Variants in RNF216 observed in about 807,000 individuals in gnomAD.
RNF216 encodes the protein ring finger protein 216.
A neutral mutation model predicts 110.8 loss-of-function variants in RNF216; 72 were observed. The ratio of observed to expected loss-of-function variants is 0.65; its 90% CI spans 0.54 to 0.79. The LOEUF (loss-of-function observed/expected upper bound fraction) is 0.79. Ranked by LOEUF, RNF216 falls within the 30% of genes least tolerant of loss-of-function variation. The probability of loss-of-function intolerance (pLI) is 0.00; values close to 1 mark genes in which losing one functional copy is unlikely to be tolerated. For missense variants in RNF216, 1,342 were observed against 1,141.2 expected, an observed-to-expected ratio of 1.18 and a Z score of -2.54; for synonymous variants, 495 against 407.5, an observed-to-expected ratio of 1.21 and a Z score of -2.59.
At chr7:5,708,924 A>T (rs1373487593) in intron 13 of RNF216, among the ~76,000 whole-genome samples, 1 of 152,158 alleles carries the variant, frequency 6.6e-6, no homozygotes, top group African/African-American at 2.4e-5. Context: ...GACTCTGCCT[A>T]CTGTACCGTG....
chr7:5,643,251 G>A (rs929456630), intron 14 of RNF216, among the ~76,000 whole-genome samples: 1 of 152,032 alleles, frequency 6.6e-6, no homozygotes, highest in African/African-American at 2.4e-5. Context: ...GAGTAGTACT[G>A]GATAGGGCCA....
chr7:5,761,985 G>A (rs1181774553), intron 1 of RNF216, among the ~76,000 whole-genome samples: 1 of 152,098 alleles, frequency 6.6e-6, no homozygotes, highest in Non-Finnish European at 1.5e-5. Context: ...AGGTATATCA[G>A]CTAAAGAAAC....
At chr7:5,655,245 C>A (rs969865747) in intron 13 of RNF216, among the ~76,000 whole-genome samples, 3 of 152,136 alleles carry the variant, frequency 2.0e-5, no homozygotes, top group Non-Finnish European at 4.4e-5. Context: ...CGTCACAGTG[C>A]TTCTTCTGTA....
chr7:5,633,440 T>C (rs559393196), intron 15 of RNF216, among the ~76,000 whole-genome samples: 45 of 152,010 alleles, frequency 3.0e-4, no homozygotes, highest in African/African-American at 1.1e-3. Context: ...CTGGGCCTGG[T>C]GGCGTGCACC....
At chr7:5,721,213 T>G (rs191479357) in intron 8 of RNF216, 41 bp from the exon 9 acceptor site, 3 of 1,599,456 alleles carry the variant, frequency 1.9e-6, no homozygotes, top group Middle Eastern at 3.3e-4. Flanking sequence ...CAGACAACTA[T>G]GTGTTAGGAA....
At chr7:5,749,747 T>C in intron 3 of RNF216, among the ~76,000 whole-genome samples, 1 of 152,320 alleles carries the variant, frequency 6.6e-6, no homozygotes, top group East Asian at 1.9e-4. Flanking sequence ...CAAATACAAG[T>C]TTGAGTTCGT....
At chr7:5,772,719 G>C (rs542614657) in intron 1 of RNF216, among the ~76,000 whole-genome samples, 1 of 150,896 alleles carries the variant, frequency 6.6e-6, no homozygotes, top group South Asian at 2.1e-4. Flanking sequence ...TCAAAACCAG[G>C]TTAGCAAAGT....
chr7:5,703,610 CA>C (rs1792107388), intron 13 of RNF216, among the ~76,000 whole-genome samples: 1 of 152,186 alleles, frequency 6.6e-6, no homozygotes, highest in South Asian at 2.1e-4. Context: ...GGCAGAAAAA[CA>C]AGCAGGGAAG....
intron 13 of RNF216, among the ~76,000 whole-genome samples, chr7:5,689,254 C>T (rs913996280): frequency 6.6e-6 from 1 of 151,056 alleles, no homozygotes; most frequent in Non-Finnish European, 1.5e-5. Flanking sequence ...GATATGGCAG[C>T]ATTTTGGCTA....
chr7:5,628,406 C>T (rs1160662326), intron 15 of RNF216, among the ~76,000 whole-genome samples: 1 of 152,206 alleles, frequency 6.6e-6, no homozygotes, highest in Non-Finnish European at 1.5e-5. Context: ...CTGTCTCCAA[C>T]TGGCTAGAGT....
chr7:5,679,459 C>G (rs1413602182), intron 13 of RNF216, among the ~76,000 whole-genome samples: 2 of 152,266 alleles, frequency 1.3e-5, no homozygotes, highest in Non-Finnish European at 2.9e-5. Flanking sequence ...CACACCGTAA[C>G]AAGTGTAACG....
intron 3 of RNF216, among the ~76,000 whole-genome samples, chr7:5,749,929 T>C (rs1472606459): frequency 6.6e-6 from 1 of 152,220 alleles, no homozygotes; most frequent in Non-Finnish European, 1.5e-5. Context: ...TAATGTTTTG[T>C]TTTCCAGATT....
intron 9 of RNF216, among the ~76,000 whole-genome samples, chr7:5,718,860 CTT>C (rs1325149873): frequency 6.6e-6 from 1 of 152,100 alleles, no homozygotes; most frequent in African/African-American, 2.4e-5. Context: ...CCCGGCCAAA[CTT>C]AAGTTTTTTT....
chr7:5,710,011 C>T (rs1266695749), intron 13 of RNF216, among the ~76,000 whole-genome samples: 2 of 152,166 alleles, frequency 1.3e-5, no homozygotes, highest in Non-Finnish European at 1.5e-5. Flanking sequence ...GCCTCAGCCT[C>T]TCAAAGTGCT....
intron 14 of RNF216, among the ~76,000 whole-genome samples, chr7:5,650,229 T>C (rs3779091): frequency 0.015 from 2,350 of 152,282 alleles, 55 homozygotes; most frequent in East Asian, 0.075. Flanking sequence ...TTTTTGATTT[T>C]TGGAATCAAC....
chr7:5,667,869 G>A (rs1357544515), intron 13 of RNF216, among the ~76,000 whole-genome samples: 1 of 152,212 alleles, frequency 6.6e-6, no homozygotes, highest in Non-Finnish European at 1.5e-5. Context: ...GATCAGATTG[G>A]GGAAAGGAGC....
In RNF216 at chr7:5,725,647, C is replaced by G. The variant is rs527471102; in HGVS notation, c.1390-209G>C. ...GGCAGATCCCTTGAGGTCAGGAGTT[C>G]GACACCAGTCTGGCCAACATGGTGA... is the stretch of plus-strand genomic sequence containing the variant. On this transcript the variant is annotated intron_variant, in intron 7 of 16. Transcript: ENST00000389902. Among the ~76,000 whole-genome samples, 14 of 152,176 alleles carry G rather than the reference C, an allele frequency of 9.2e-5. No homozygotes were observed. The South Asian group carries it at 2.9e-3, about 32-fold the overall frequency.
chr7:5,735,909 A>G (rs1794368109), intron 5 of RNF216, among the ~76,000 whole-genome samples: 1 of 152,220 alleles, frequency 6.6e-6, no homozygotes, highest in Non-Finnish European at 1.5e-5. Flanking sequence ...AGCCTGGCCA[A>G]CATAGGGAAA....
At chr7:5,762,502 A>T (rs1383771957) in intron 1 of RNF216, among the ~76,000 whole-genome samples, 2 of 151,508 alleles carry the variant, frequency 1.3e-5, no homozygotes, top group Non-Finnish European at 2.9e-5. Flanking sequence ...CTAAAAATTT[A>T]AAAAATAATA....
Sources: gnomAD v4.1 joint callset for allele counts (sites outside exome capture counted in the v4.1 genomes callset) on GRCh38, gnomAD v4.1.1 for gene constraint, MANE v1.5 for transcripts, NCBI Gene and HGNC (gene_info 2026-07-23, HGNC 2026-07-21) for gene names.